ELAVL4: variants seen among roughly 807,000 people sequenced by gnomAD.
ELAVL4 encodes ELAV like RNA binding protein 4, also known as ELAV-like protein 4.
ELAVL4 carries 1 observed loss-of-function variant against 35.6 expected under a neutral mutation model. The ratio of observed to expected loss-of-function variants is 0.03; its 90% CI spans 0.01 to 0.13. The LOEUF is 0.13. Ranked by LOEUF, ELAVL4 falls within the 10% of genes least tolerant of loss-of-function variation. ELAVL4 has a pLI of 1.00. For synonymous variants in ELAVL4, 156 were observed against 171.0 expected, an observed-to-expected ratio of 0.91 and a Z score of 0.69; for missense variants, 267 against 464.9, an observed-to-expected ratio of 0.57 and a Z score of 3.91.
chr1:50,068,184 A>G (rs1664354659), intron 1 of ELAVL4, among the ~76,000 whole-genome samples: 1 of 152,168 alleles, frequency 6.6e-6, no homozygotes, highest in Admixed American at 6.5e-5. Flanking sequence ...CTTGTTTTTC[A>G]GTAGGTGGTC....
intron 2 of ELAVL4, chr1:50,174,215 G>A (rs1219952413): frequency 6.6e-6 from 1 of 152,176 alleles, no homozygotes. Flanking sequence ...TAGATCCATA[G>A]AGTGCTTTTT....
At chr1:50,134,163 A>G (rs1270389251) in intron 1 of ELAVL4, among the ~76,000 whole-genome samples, 2 of 152,218 alleles carry the variant, frequency 1.3e-5, no homozygotes, top group South Asian at 2.1e-4. Flanking sequence ...GCTTTAGATC[A>G]TGATACATAT....
intron 1 of ELAVL4, among the ~76,000 whole-genome samples, chr1:50,084,602 T>C (rs1290816605): frequency 2.6e-5 from 4 of 152,220 alleles, no homozygotes; most frequent in Non-Finnish European, 4.4e-5. Flanking sequence ...CTGTCTTGTA[T>C]GCCACACTCC....
chr1:50,177,403 G>A (rs1557838734), intron 3 of ELAVL4, among the ~76,000 whole-genome samples: 1 of 152,188 alleles, frequency 6.6e-6, no homozygotes, highest in Non-Finnish European at 1.5e-5. Flanking sequence ...CAAGCTGTGA[G>A]ACCTCCAATT....
At chr1:50,133,599 A>AAAAAGAAAGAAAGAAAG (rs1553174454) in intron 1 of ELAVL4, among the ~76,000 whole-genome samples, 17 of 129,264 alleles carry the variant, frequency 1.3e-4, no homozygotes, top group African/African-American at 4.9e-4. Flanking sequence ...AGAAAGAAAG[A>AAAAAGAAAGAAAGAAAG]AAAGAAAGAA....
intron 1 of ELAVL4, among the ~76,000 whole-genome samples, chr1:50,095,193 G>A (rs993707075): frequency 6.6e-6 from 1 of 152,094 alleles, no homozygotes; most frequent in Non-Finnish European, 1.5e-5. Context: ...CAGCATTGGT[G>A]CTCAAACCCG....
At chr1:50,155,332 C>G (rs1334833473) in intron 2 of ELAVL4, among the ~76,000 whole-genome samples, 1 of 152,072 alleles carries the variant, frequency 6.6e-6, no homozygotes, top group Non-Finnish European at 1.5e-5. Context: ...AATCCCCACA[C>G]CCTCTCCCAC....
In ELAVL4 at chr1:50,201,225, C is replaced by A; in HGVS notation, c.*47C>A. Reference sequence around the variant, plus strand: ...AAATATATATAGAAATATATACGAACAAAACACACGCGCGCACACACACAC... The same window carrying A: ...AAATATATATAGAAATATATACGAAAAAAACACACGCGCGCACACACACAC... On this transcript the variant is annotated 3_prime_UTR_variant, in exon 7 of 7. Coordinates refer to ENST00000371824, the MANE Select transcript of ELAVL4 (RefSeq NM_001144774.3). This position sits in a 1 kb window ranked among gnomAD's most constrained non-coding sequence, Gnocchi z 4.3. The A allele has an allele frequency of 1.3e-6, 2 of 1,489,326 alleles. No homozygotes were observed. The highest frequency in any genetic ancestry group is 8.9e-7 in the Non-Finnish European group (1 of 1,121,690). The allele number at this position is 1,489,326 out of a possible 1,614,324, so 92.3% of individuals were successfully genotyped here.
chr1:50,144,284 G>T (rs1307911044), intron 1 of ELAVL4, among the ~76,000 whole-genome samples: 2 of 151,982 alleles, frequency 1.3e-5, no homozygotes, highest in Non-Finnish European at 2.9e-5. Context: ...TGGACCTAAC[G>T]TGGAGACCTA....
chr1:50,121,180 C>T (rs1668969156), intron 1 of ELAVL4, among the ~76,000 whole-genome samples: 1 of 151,984 alleles, frequency 6.6e-6, no homozygotes, highest in African/African-American at 2.4e-5. Context: ...GATCTTGGAT[C>T]TGTCATCAAC....
chr1:50,178,343 CTT>C (rs1348575251), intron 3 of ELAVL4, among the ~76,000 whole-genome samples: 3 of 152,244 alleles, frequency 2.0e-5, no homozygotes, highest in African/African-American at 7.2e-5. Context: ...AACAAAGCTA[CTT>C]TTCCAACATC....
intron 1 of ELAVL4, among the ~76,000 whole-genome samples, chr1:50,129,837 A>AT (rs1670563996): frequency 6.6e-6 from 1 of 152,174 alleles, no homozygotes; most frequent in Admixed American, 6.5e-5. Flanking sequence ...ATATTTCAGA[A>AT]TGTTACCTTT....
At chr1:50,104,036 T>C (rs759120522), upstream of ELAVL4, 11 of 1,612,448 alleles carry the variant, frequency 6.8e-6, no homozygotes, top group Non-Finnish European at 9.3e-6. Context: ...GCCTGGCAGA[T>C]GGTAGACCGT....
intron 3 of ELAVL4, among the ~76,000 whole-genome samples, 153 bp from the exon 4 acceptor site, chr1:50,193,612 C>T (rs1469238595): frequency 1.3e-5 from 2 of 152,140 alleles, no homozygotes; most frequent in African/African-American, 2.4e-5. Flanking sequence ...ATTACTATTA[C>T]AAGGGTAGCT....
chr1:50,199,579 G>A (rs1455346010), intron 6 of ELAVL4, among the ~76,000 whole-genome samples: 3 of 152,044 alleles, frequency 2.0e-5, no homozygotes, highest in African/African-American at 7.2e-5. Flanking sequence ...ATGGTGGTGC[G>A]TGCCTGTAGT....
At position 50,203,136 on chromosome 1, in the gene ELAVL4, T is replaced by C. The variant is rs1247544771; in HGVS notation, c.*1958T>C. ...TGATAGTTAAATTTGCTATTGCTTT[T>C]CTTGTCTTGTTATATAAAATCTTTT... is the stretch of plus-strand genomic sequence containing the variant. On this transcript the variant is annotated 3_prime_UTR_variant, in exon 7 of 7. Transcript: ENST00000371824. 1 of 152,248 alleles carries C rather than the reference T, an allele frequency of 6.6e-6. No individual in the cohort carries two copies. Among genetic ancestry groups the C allele is most frequent in the Non-Finnish European group, 1.5e-5 (1 of 68,034 alleles). 9.4% of individuals were successfully genotyped at this position (152,248 alleles called of 1,614,324 possible). A position where few individuals can be genotyped will look rare whatever the true frequency, so the allele number is the denominator to read the frequency against.
rs560587305 is a variant in ELAVL4 at position 50,161,099 on chromosome 1, T to C, written c.250+15902T>C. Among the ~76,000 whole-genome samples, 79 of 152,358 alleles carry C rather than the reference T, an allele frequency of 5.2e-4. No individual in the cohort carries two copies. The South Asian group carries it at 7.5e-3, about 14-fold the overall frequency. ...TCGTGGTTAACATCAGCTGCATTGC[T>C]GGAATCACCTGTTGGTTTGCATCCA... On this transcript the variant is annotated intron_variant, in intron 2 of 6. Transcript: ENST00000371824.
rs891068894 is a variant in ELAVL4 at position 50,048,071 on chromosome 1, C to T, written c.-94C>T. Reference sequence around the variant, plus strand: ...CGGAGCCGCAGAGCGAGCTAGAGAGCGAGAGCGGTGAGACTCTGCGGACGT... The same window carrying T: ...CGGAGCCGCAGAGCGAGCTAGAGAGTGAGAGCGGTGAGACTCTGCGGACGT... On this transcript the variant is annotated 5_prime_UTR_variant, in exon 1 of 7. Coordinates refer to the ELAVL4 transcript ENST00000448907. 4.4e-6 allele frequency: 6 copies of T among 1,376,452 alleles called. No homozygotes were observed. The East Asian group carries it at 1.5e-4, about 33-fold the overall frequency. 85.3% of individuals were successfully genotyped at this position (1,376,452 alleles called of 1,614,324 possible). A position where few individuals can be genotyped will look rare whatever the true frequency, so the allele number is the denominator to read the frequency against.
intron 1 of ELAVL4, among the ~76,000 whole-genome samples, chr1:50,070,961 G>A (rs1022938263): frequency 6.6e-6 from 1 of 151,966 alleles, no homozygotes; most frequent in Admixed American, 6.6e-5. Context: ...TCTTGTTGAC[G>A]CTTGCTCACC....
Sources: allele counts gnomAD v4.1 joint callset (sites outside exome capture counted in the v4.1 genomes callset), GRCh38; gene constraint gnomAD v4.1.1; non-coding constraint Gnocchi (gnomAD v3.1); transcripts MANE v1.5; gene names NCBI Gene and HGNC (gene_info 2026-07-23, HGNC 2026-07-21).